The following CDH12 variants were observed in gnomAD, a reference collection of about 807,000 sequenced individuals.
CDH12 encodes cadherin 12.
CDH12 carries 41 observed loss-of-function variants against 74.1 expected under a neutral mutation model. The ratio of observed to expected loss-of-function variants is 0.55; its 90% CI spans 0.43 to 0.72. CDH12 has a LOEUF of 0.72. Among genes scored for constraint, CDH12 ranks in the 30% least tolerant of loss-of-function variants. The pLI, the probability that CDH12 is intolerant of heterozygous loss-of-function variation, is 0.00. For missense variants in CDH12, 945 were observed against 977.2 expected, an observed-to-expected ratio of 0.97 and a Z score of 0.44; for synonymous variants, 399 against 355.0, an observed-to-expected ratio of 1.12 and a Z score of -1.39.
chr5:22,661,653 C>T (rs553949050), intron 1 of CDH12, among the ~76,000 whole-genome samples: 1 of 152,122 alleles, frequency 6.6e-6, no homozygotes, highest in East Asian at 1.9e-4. Context: ...TTTACATATG[C>T]CCTAGTCATC....
At chr5:22,721,566 GA>G (rs1159575662) in intron 1 of CDH12, among the ~76,000 whole-genome samples, 1 of 152,122 alleles carries the variant, frequency 6.6e-6, no homozygotes, top group Non-Finnish European at 1.5e-5. Flanking sequence ...AGTTAATATT[GA>G]AATGAGTTGA....
At chr5:21,766,003 T>C (rs1291132874) in intron 11 of CDH12, among the ~76,000 whole-genome samples, 1 of 152,012 alleles carries the variant, frequency 6.6e-6, no homozygotes, top group Non-Finnish European at 1.5e-5. Context: ...AACCCAGGAT[T>C]ATAAAAATCT....
In CDH12 at chr5:21,764,089, TG is replaced by T. The variant is rs111949107; in HGVS notation, c.1515+888del. On this transcript the variant is annotated intron_variant, in intron 12 of 14. Transcript: ENST00000382254. Reference sequence around the variant, plus strand: ...CACAGGTTCTTTAGAAATTTGTGTGTGGGGGCTGGGTGCGGTGGCTCATGCC... The same window carrying T: ...CACAGGTTCTTTAGAAATTTGTGTGTGGGGCTGGGTGCGGTGGCTCATGCC... Among the ~76,000 whole-genome samples, 402 of 152,104 alleles carry T rather than the reference TG, an allele frequency of 2.6e-3. 2 individuals carry two copies. The highest frequency in any genetic ancestry group is 9.5e-3 in the African/African-American group (394 of 41,466).
chr5:21,940,544 T>C (rs1755283663), intron 6 of CDH12, among the ~76,000 whole-genome samples: 1 of 152,206 alleles, frequency 6.6e-6, no homozygotes, highest in African/African-American at 2.4e-5. Context: ...TTCCAAAAAC[T>C]CACTGCCATC....
intron 6 of CDH12, among the ~76,000 whole-genome samples, chr5:21,933,668 A>T (rs1284496244): frequency 1.3e-5 from 2 of 152,214 alleles, no homozygotes; most frequent in South Asian, 4.1e-4. Context: ...AAAATTTGTC[A>T]ACTGAGAAAT....
intron 1 of CDH12, among the ~76,000 whole-genome samples, chr5:22,535,547 A>G (rs1021788998): frequency 1.3e-5 from 2 of 152,220 alleles, no homozygotes; most frequent in Non-Finnish European, 2.9e-5. Flanking sequence ...GATTCAAAGC[A>G]TGTATTCTTA....
intron 5 of CDH12, among the ~76,000 whole-genome samples, chr5:21,988,817 T>G (rs946058650): frequency 2.0e-5 from 3 of 152,172 alleles, no homozygotes; most frequent in African/African-American, 7.2e-5. Flanking sequence ...AGGGTTTCAT[T>G]AAAACTTCAC....
chr5:22,692,110 G>C (rs1014571553), intron 1 of CDH12, among the ~76,000 whole-genome samples: 3 of 152,102 alleles, frequency 2.0e-5, no homozygotes, highest in Admixed American at 6.6e-5. Flanking sequence ...CAGTAGTAGC[G>C]GTGGTAATGA....
In CDH12 at chr5:22,151,408, T is replaced by G. The variant is rs185353387; in HGVS notation, c.-187+61090A>C. On this transcript the variant is annotated intron_variant, in intron 4 of 14. Transcript: ENST00000382254. ...AACTTAATAGGCTTATGATAGTATT[T>G]ATAAATAATCAAAGGATCAAGTTGA... is the stretch of plus-strand genomic sequence containing the variant. 1.4e-3 allele frequency among the ~76,000 whole-genome samples: 209 copies of G among 152,346 alleles called. 1 individual carries two copies. Among genetic ancestry groups the G allele is most frequent in the African/African-American group, 4.9e-3 (204 of 41,586 alleles).
At chr5:21,987,930 A>G (rs1757583495) in intron 5 of CDH12, among the ~76,000 whole-genome samples, 1 of 151,894 alleles carries the variant, frequency 6.6e-6, no homozygotes, top group South Asian at 2.1e-4. Flanking sequence ...GGGAAAAAAA[A>G]TCTCCTTCAC....
intron 1 of CDH12, among the ~76,000 whole-genome samples, chr5:22,840,710 A>C (rs1337884228): frequency 6.6e-6 from 1 of 152,160 alleles, no homozygotes; most frequent in Admixed American, 6.5e-5. Flanking sequence ...GAAGTAAATA[A>C]TAAATGTAAT....
At chr5:22,467,989 A>T (rs1472005299) in intron 2 of CDH12, among the ~76,000 whole-genome samples, 1 of 152,226 alleles carries the variant, frequency 6.6e-6, no homozygotes, top group Non-Finnish European at 1.5e-5. Context: ...GGCCTCCAAA[A>T]TTTAGATTAG....
chr5:21,804,228 GA>G (rs763264601), intron 9 of CDH12, among the ~76,000 whole-genome samples: 1 of 152,032 alleles, frequency 6.6e-6, no homozygotes, highest in Non-Finnish European at 1.5e-5. Context: ...TATAAGCAAA[GA>G]ATAGTATGCA....
chr5:22,189,671 T>G (rs1012763628), intron 4 of CDH12, among the ~76,000 whole-genome samples: 1 of 152,198 alleles, frequency 6.6e-6, no homozygotes, highest in Admixed American at 6.5e-5. Flanking sequence ...TGTTAAAAAT[T>G]TGCAGCTAGC....
chr5:22,596,974 C>T (rs148735801), intron 1 of CDH12, among the ~76,000 whole-genome samples: 3 of 152,242 alleles, frequency 2.0e-5, no homozygotes, highest in Non-Finnish European at 4.4e-5. Flanking sequence ...GGATAAAACA[C>T]GGGCCTCTAT....
At position 22,304,929 on chromosome 5, in the gene CDH12, G is replaced by A. The variant is rs139847317; in HGVS notation, c.-332-92286C>T. Among the ~76,000 whole-genome samples the A allele has an allele frequency of 4.0e-3, 616 of 152,308 alleles. 10 individuals carry two copies. The highest frequency in any genetic ancestry group is 0.014 in the African/African-American group (585 of 41,560). ...AGAATCTTGACTTCAATTTGGACTT[G>A]TCTGCTGTAAACCTTCGAAAATACT... On this transcript the variant is annotated intron_variant, in intron 3 of 14. Coordinates refer to ENST00000382254, the MANE Select transcript of CDH12 (RefSeq NM_004061.5).
intron 1 of CDH12, among the ~76,000 whole-genome samples, chr5:22,767,448 A>T (rs1350430228): frequency 1.3e-5 from 2 of 152,056 alleles, no homozygotes; most frequent in African/African-American, 4.8e-5. Flanking sequence ...CTTGGAAAAT[A>T]AACTAAAACA....
At chr5:22,029,416 GA>G (rs1331888816) in intron 5 of CDH12, among the ~76,000 whole-genome samples, 1 of 151,530 alleles carries the variant, frequency 6.6e-6, no homozygotes, top group Non-Finnish European at 1.5e-5. Flanking sequence ...AAATTTACAA[GA>G]AAAAAACAAA....
intron 1 of CDH12, among the ~76,000 whole-genome samples, chr5:22,650,543 A>G (rs1177142985): frequency 6.6e-6 from 1 of 152,074 alleles, no homozygotes; most frequent in Admixed American, 6.6e-5. Flanking sequence ...CACACTTGCA[A>G]GAGAATAATT....
Sources: allele counts gnomAD v4.1 joint callset (sites outside exome capture counted in the v4.1 genomes callset), GRCh38; gene constraint gnomAD v4.1.1; transcripts MANE v1.5; gene names NCBI Gene and HGNC (gene_info 2026-07-23, HGNC 2026-07-21).